The following NMT2 variants were observed in gnomAD, a reference collection of about 807,000 sequenced individuals.
NMT2 encodes the protein glycylpeptide N-tetradecanoyltransferase 2.
Under a neutral mutation model 65.4 loss-of-function variants are expected in NMT2, and 35 were observed. The observed-to-expected ratio is 0.54, with a 90% CI of 0.41 to 0.71. The LOEUF (loss-of-function observed/expected upper bound fraction) is 0.71. Ranked by LOEUF, NMT2 falls within the 30% of genes least tolerant of loss-of-function variation. The pLI, the probability that NMT2 is intolerant of heterozygous loss-of-function variation, is 0.00. For missense variants in NMT2, 489 were observed against 611.3 expected (o/e 0.80, Z 2.11); for synonymous variants, 226 against 231.8 (o/e 0.98, Z 0.23).
intron 10 of NMT2, among the ~76,000 whole-genome samples, chr10:15,110,999 G>T (rs1845494511): frequency 6.6e-6 from 1 of 151,860 alleles, no homozygotes; most frequent in Non-Finnish European, 1.5e-5. Flanking sequence ...CACCGTGTTG[G>T]CCAGGCTGGT....
At chr10:15,144,939 A>G (rs1017950423) in intron 1 of NMT2, among the ~76,000 whole-genome samples, 1 of 152,232 alleles carries the variant, frequency 6.6e-6, no homozygotes, top group African/African-American at 2.4e-5. Flanking sequence ...CCACACAGGA[A>G]CTTGTTCACA....
intron 1 of NMT2, among the ~76,000 whole-genome samples, chr10:15,165,513 C>G (rs1009260584): frequency 2.0e-5 from 3 of 152,138 alleles, no homozygotes; most frequent in African/African-American, 7.2e-5. Context: ...CTTCTTCCCC[C>G]ATGTTTTTTG....
chr10:15,117,740 A>G (rs769918992), intron 9 of NMT2, among the ~76,000 whole-genome samples: 6 of 152,378 alleles, frequency 3.9e-5, no homozygotes, highest in Non-Finnish European at 8.8e-5. Context: ...CAGGCTAACA[A>G]TGAACATGCA....
At chr10:15,120,176 CAG>C (rs1845879657) in intron 8 of NMT2, among the ~76,000 whole-genome samples, 1 of 152,078 alleles carries the variant, frequency 6.6e-6, no homozygotes, top group African/African-American at 2.4e-5. Flanking sequence ...GTATACAGGA[CAG>C]GGGGCATGGT....
At chr10:15,145,157 C>T (rs1159136016) in intron 1 of NMT2, among the ~76,000 whole-genome samples, 1 of 152,142 alleles carries the variant, frequency 6.6e-6, no homozygotes, top group Non-Finnish European at 1.5e-5. Context: ...TGCCAAGGAC[C>T]ATGTATTGTA....
intron 9 of NMT2, among the ~76,000 whole-genome samples, chr10:15,119,030 C>T (rs145674406): frequency 6.2e-4 from 94 of 152,310 alleles, no homozygotes; most frequent in African/African-American, 2.1e-3. Flanking sequence ...TCAGCATCAA[C>T]GGTGCAAAGC....
intron 10 of NMT2, among the ~76,000 whole-genome samples, chr10:15,112,175 TA>T (rs1845543677): frequency 1.2e-3 from 8 of 6,812 alleles, no homozygotes; most frequent in South Asian, 5.4e-3. Context: ...ATATGGGCTT[TA>T]TATATATATA....
At chr10:15,161,038 C>G (rs1278091259) in intron 1 of NMT2, among the ~76,000 whole-genome samples, 1 of 134,286 alleles carries the variant, frequency 7.4e-6, no homozygotes, top group African/African-American at 2.9e-5. Flanking sequence ...GAGTTCGAGA[C>G]CAGCCTGGCC....
At chr10:15,109,254 G>GATTGTACT (rs770210559) in intron 11 of NMT2, 39 bp from the exon 12 acceptor site, 3 of 1,603,290 alleles carry the variant, frequency 1.9e-6, no homozygotes, top group Non-Finnish European at 1.7e-6. Flanking sequence ...AGAAAAATTA[G>GATTGTACT]ATTGCAATGT....
At chr10:15,167,563 A>G (rs1418444268) in intron 1 of NMT2, among the ~76,000 whole-genome samples, 1 of 152,214 alleles carries the variant, frequency 6.6e-6, no homozygotes, top group Non-Finnish European at 1.5e-5. Flanking sequence ...GTGCCAGCGC[A>G]TAGTTTGAAT....
chr10:15,130,679 G>C lies in NMT2; in HGVS notation c.720-367C>G, dbSNP rs183168527. Among the ~76,000 whole-genome samples the C allele has an allele frequency of 2.3e-3, 284 of 124,090 alleles. 1 individual carries two copies. The highest frequency in any genetic ancestry group is 9.0e-3 in the African/African-American group (276 of 30,814). 81.4% of individuals were successfully genotyped at this position (124,090 alleles called of 152,430 possible). On this transcript the variant is annotated intron_variant, in intron 6 of 11. Coordinates refer to ENST00000378165, the MANE Select transcript of NMT2 (RefSeq NM_004808.3). ...TGATTGCATCACTGCCCTCCAGCCT[G>C]GACAACAGAGCAAGGCCCTGTCTCA... is the stretch of plus-strand genomic sequence containing the variant.
At chr10:15,161,101 A>T (rs539992537) in intron 1 of NMT2, among the ~76,000 whole-genome samples, 3 of 149,752 alleles carry the variant, frequency 2.0e-5, no homozygotes, top group Non-Finnish European at 4.5e-5. Flanking sequence ...AAAAAAAAAA[A>T]AAAAAAAAAC....
chr10:15,139,828 G>A lies in NMT2; in HGVS notation c.246+1594C>T, dbSNP rs1483028394. On this transcript the variant is annotated intron_variant, in intron 2 of 11. Coordinates refer to ENST00000378165, the MANE Select transcript of NMT2 (RefSeq NM_004808.3). ...AACAGAAACTCTGCATAAGAAAAAA[G>A]GAAATCCACAAAGCTTGTAGAATGG... 1.3e-4 allele frequency: 14 copies of A among 105,866 alleles called. 1 individual carries two copies. The highest frequency in any genetic ancestry group is 4.4e-4 in the African/African-American group (14 of 31,872). 6.6% of individuals were successfully genotyped at this position (105,866 alleles called of 1,614,324 possible). A position where few individuals can be genotyped will look rare whatever the true frequency, so the allele number is the denominator to read the frequency against.
intron 1 of NMT2, among the ~76,000 whole-genome samples, chr10:15,156,867 G>T (rs1833019646): frequency 6.6e-6 from 1 of 151,844 alleles, no homozygotes; most frequent in Admixed American, 6.6e-5. Context: ...CTGCACTCCA[G>T]CCTGAGCGAC....
chr10:15,152,448 G>T (rs545663022), intron 1 of NMT2, among the ~76,000 whole-genome samples: 2 of 152,358 alleles, frequency 1.3e-5, no homozygotes, highest in East Asian at 3.9e-4. Flanking sequence ...GGACAAGCAG[G>T]ACTGGGGTCT....
intron 9 of NMT2, among the ~76,000 whole-genome samples, chr10:15,118,489 A>G (rs1407876985): frequency 6.6e-6 from 1 of 152,196 alleles, no homozygotes; most frequent in Non-Finnish European, 1.5e-5. Flanking sequence ...CAGTGAGCCG[A>G]GATTGTGCCA....
intron 1 of NMT2, 56 bp downstream of exon 1, chr10:15,168,447 G>A (rs1833451301): frequency 5.9e-6 from 8 of 1,345,802 alleles, no homozygotes; most frequent in Non-Finnish European, 7.3e-6. Context: ...ACGGGAGACC[G>A]TGGCGCGCGC....
chr10:15,153,703 T>G (rs1294447926), intron 1 of NMT2, among the ~76,000 whole-genome samples: 1 of 152,118 alleles, frequency 6.6e-6, no homozygotes, highest in Non-Finnish European at 1.5e-5. Flanking sequence ...CAGGCTGGAG[T>G]GCAGTGGCCA....
At chr10:15,125,002 G>A (rs1846032385) in intron 8 of NMT2, among the ~76,000 whole-genome samples, 1 of 148,996 alleles carries the variant, frequency 6.7e-6, no homozygotes, top group Non-Finnish European at 1.5e-5. Flanking sequence ...TCCCCATAGT[G>A]GGTAATGTTA....
Sources: gnomAD v4.1 joint callset for allele counts (sites outside exome capture counted in the v4.1 genomes callset) on GRCh38, gnomAD v4.1.1 for gene constraint, MANE v1.5 for transcripts, NCBI Gene and HGNC (gene_info 2026-07-23, HGNC 2026-07-21) for gene names.